PRDM9: variants seen among roughly 807,000 people sequenced by gnomAD.
The protein encoded by PRDM9 is PR/SET domain 9, also known as histone-lysine N-methyltransferase PRDM9.
Under a neutral mutation model 55.6 loss-of-function variants are expected in PRDM9, and 47 were observed. The observed-to-expected ratio is 0.85, with a 90% confidence interval of 0.67 to 1.08. The LOEUF is 1.08. Among genes scored for constraint, PRDM9 ranks in the 50% least tolerant of loss-of-function variants. PRDM9 has a pLI of 0.00. For missense variants in PRDM9, 867 were observed against 1,040.3 expected, an observed-to-expected ratio of 0.83 and a Z score of 2.29; for synonymous variants, 312 against 375.7, an observed-to-expected ratio of 0.83 and a Z score of 1.96.
intron 5 of PRDM9, among the ~76,000 whole-genome samples, chr5:23,519,115 A>G (rs895304224): frequency 2.6e-5 from 4 of 152,162 alleles, no homozygotes; most frequent in African/African-American, 4.8e-5. Context: ...GCTGGAGTGC[A>G]ATGACTCAAT....
intron 9 of PRDM9, 57 bp from the exon 10 acceptor site, chr5:23,524,277 A>G: frequency 1.3e-6 from 2 of 1,583,360 alleles, no homozygotes; most frequent in Non-Finnish European, 1.7e-6. Flanking sequence ...CCATACCTGG[A>G]TCTGATACTG....
In PRDM9 at chr5:23,509,735, T is replaced by C. The variant is rs1739052932; in HGVS notation, c.193+142T>C. On this transcript the variant is annotated intron_variant, in intron 3 of 10. Transcript: ENST00000296682. ...ACAAATCTGGAGGGAAATTTTGTTC[T>C]TTTGCGTCAGTGCAGGGCTGAGTGT... 5 of 1,523,998 alleles carry C rather than the reference T, an allele frequency of 3.3e-6. No homozygotes were observed. In the South Asian group the frequency reaches 3.4e-5, roughly 10 times the overall value. 94.4% of individuals were successfully genotyped at this position (1,523,998 alleles called of 1,614,324 possible). A position where few individuals can be genotyped will look rare whatever the true frequency, so the allele number is the denominator to read the frequency against.
At position 23,509,927 on chromosome 5, in the gene PRDM9, A is replaced by G; in HGVS notation, c.201A>G (p.Arg67=). Residue 67 remains arginine (R), a synonymous_variant, in exon 4 of 11, where the codon AGA becomes AGG. Coordinates refer to ENST00000296682, the MANE Select transcript of PRDM9 (RefSeq NM_020227.4). Reference sequence around the variant, plus strand: ...ATTTTTGCTTCTTTTCAGGTCTCAGAGCCACTCGACCAGCTTTCATGTGTC... The same window carrying G: ...ATTTTTGCTTCTTTTCAGGTCTCAGGGCCACTCGACCAGCTTTCATGTGTC... ...NYNALITIGL[R]ATRPAFMCHR... The G allele has an allele frequency of 6.2e-7, 1 of 1,614,070 alleles. No individual in the cohort carries two copies. The highest frequency in any genetic ancestry group is 8.5e-7 in the Non-Finnish European group (1 of 1,180,008).
chr5:23,515,380 C>T (rs1177230461), intron 4 of PRDM9, among the ~76,000 whole-genome samples: 1 of 152,174 alleles, frequency 6.6e-6, no homozygotes, highest in East Asian at 1.9e-4. Flanking sequence ...AATAGCTGAA[C>T]TATAGTCATG....
chr5:23,527,302 C>G lies in PRDM9; in HGVS notation c.2214C>G (p.His738Gln), dbSNP rs774906598. 2 of 1,540,726 alleles carry G rather than the reference C, an allele frequency of 1.3e-6. No homozygotes were observed. Among genetic ancestry groups the G allele is most frequent in the South Asian group, 2.3e-5 (2 of 87,026 alleles). The change falls in exon 11 of 11, where the codon CAC becomes CAG. Residue 738 changes from histidine (H) to glutamine (Q), a missense_variant. His to Gln is a conservative substitution (Grantham distance 24). Around this residue, in one of 5 missense-constraint regions of PRDM9, gnomAD observed 92 missense variants for 185.7 expected, o/e 0.50. Transcript: ENST00000296682. ...GFSNKSHLLR[H>Q]QRTHTGEKPY... ...GCAATAAGTCACACCTCCTCAGACA[C>G]CAGAGGACACACACAGGGGAGAAGC...
At position 23,527,942 on chromosome 5, in the gene PRDM9, T is replaced by C; in HGVS notation, c.*169T>C. On this transcript the variant is annotated 3_prime_UTR_variant, in exon 11 of 11. Coordinates refer to ENST00000296682, the MANE Select transcript of PRDM9 (RefSeq NM_020227.4). ...AACTGATTAAACAAATCCGCCACTT[T>C]CATGACTAGAGATGAGGAAGAACAA... 2.3e-6 allele frequency: 2 copies of C among 885,908 alleles called. No homozygotes were observed. The highest frequency in any genetic ancestry group is 3.5e-6 in the Non-Finnish European group (2 of 565,738). 54.9% of individuals were successfully genotyped at this position (885,908 alleles called of 1,614,324 possible). A position where few individuals can be genotyped will look rare whatever the true frequency, so the allele number is the denominator to read the frequency against.
In PRDM9 at chr5:23,509,920, G is replaced by T. The variant is rs1739055919; in HGVS notation, c.194G>T (p.Gly65Val). The T allele has an allele frequency of 3.1e-6, 5 of 1,613,834 alleles. No individual in the cohort carries two copies. Among genetic ancestry groups the T allele is most frequent in the Non-Finnish European group, 4.2e-6 (5 of 1,180,012 alleles). ...GAACAAAATTTTTGCTTCTTTTCAGGTCTCAGAGCCACTCGACCAGCTTTC... is the reference window on the plus strand; with the variant it reads ...GAACAAAATTTTTGCTTCTTTTCAGTTCTCAGAGCCACTCGACCAGCTTTC... ...KRNYNALITI[G>V]LRATRPAFMC... The change falls in exon 4 of 11, where the codon GGT becomes GTT. Residue 65 changes from glycine to valine, a missense_variant and splice_region_variant. Physicochemically the swap from Gly to Val is moderately radical, Grantham distance 109. Around this residue, in one of 5 missense-constraint regions of PRDM9, gnomAD observed 662 missense variants for 711.9 expected, o/e 0.93. Coordinates refer to ENST00000296682, the MANE Select transcript of PRDM9 (RefSeq NM_020227.4).
chr5:23,511,130 T>A (rs1324485219), intron 4 of PRDM9, among the ~76,000 whole-genome samples: 2 of 151,762 alleles, frequency 1.3e-5, no homozygotes, highest in African/African-American at 4.8e-5. Context: ...CCCTCCAGCC[T>A]GGGCAACAGA....
chr5:23,519,065 G>A (rs1739275884), intron 5 of PRDM9, among the ~76,000 whole-genome samples: 1 of 152,124 alleles, frequency 6.6e-6, no homozygotes, highest in African/African-American at 2.4e-5. Flanking sequence ...TCTGGGTGGT[G>A]GTGGGGTGAT....
Position 23,508,840 on chromosome 5 carries a change from G to A in PRDM9, c.-84-110G>A, listed in dbSNP as rs1739032805. Reference sequence around the variant, plus strand: ...CCCTGGGGTGCTCGAGACCTCACCAGGAATCCACATCTTCCTGCTCTGAAC... The same window carrying A: ...CCCTGGGGTGCTCGAGACCTCACCAAGAATCCACATCTTCCTGCTCTGAAC... On this transcript the variant is annotated intron_variant, in intron 1 of 10. Coordinates refer to ENST00000296682, the MANE Select transcript of PRDM9 (RefSeq NM_020227.4). The A allele has an allele frequency of 1.7e-5, 11 of 648,574 alleles. No homozygotes were observed. The South Asian group carries it at 2.1e-4, about 12-fold the overall frequency. 40.2% of individuals were successfully genotyped at this position (648,574 alleles called of 1,614,324 possible). A position where few individuals can be genotyped will look rare whatever the true frequency, so the allele number is the denominator to read the frequency against.
chr5:23,511,493 G>C (rs1056497230), intron 4 of PRDM9, among the ~76,000 whole-genome samples: 1 of 152,066 alleles, frequency 6.6e-6, no homozygotes, highest in Non-Finnish European at 1.5e-5. Context: ...CTACAGGCAT[G>C]TGCCACCACG....
At position 23,524,466 on chromosome 5, in the gene PRDM9, C is replaced by T. The variant is rs777790549; in HGVS notation, c.1083C>T (p.Tyr361=). Reference sequence around the variant, plus strand: ...TGCTGGTCTGGTATGGGGATGAATACGGCCAGGAACTGGGCATCAAGTGGG... The same window carrying T: ...TGCTGGTCTGGTATGGGGATGAATATGGCCAGGAACTGGGCATCAAGTGGG... ...CELLVWYGDE[Y]GQELGIKWGS... Residue 361 remains tyrosine, a synonymous_variant, in exon 10 of 11, where the codon TAC becomes TAT. Coordinates refer to ENST00000296682, the MANE Select transcript of PRDM9 (RefSeq NM_020227.4). The T allele has an allele frequency of 4.3e-6, 7 of 1,613,580 alleles. No individual in the cohort carries two copies. The highest frequency in any genetic ancestry group is 2.2e-5 in the South Asian group (2 of 91,054).
At chr5:23,513,782 A>T (rs1382622285) in intron 4 of PRDM9, among the ~76,000 whole-genome samples, 1 of 152,048 alleles carries the variant, frequency 6.6e-6, no homozygotes, top group Non-Finnish European at 1.5e-5. Flanking sequence ...GGTAGGCTGA[A>T]GTAGAAGAAT....
At chr5:23,524,795 A>G (rs1240990637) in intron 10 of PRDM9, among the ~76,000 whole-genome samples, 1 of 152,240 alleles carries the variant, frequency 6.6e-6, no homozygotes, top group Non-Finnish European at 1.5e-5. Flanking sequence ...ACTTAAAGAC[A>G]AAAATCAAGT....
In PRDM9 at chr5:23,524,230, C is replaced by T. The variant is rs1739387836; in HGVS notation, c.951-104C>T. 2.1e-6 allele frequency: 3 copies of T among 1,430,936 alleles called. No individual in the cohort carries two copies. The South Asian group carries it at 3.5e-5, about 17-fold the overall frequency. The allele number at this position is 1,430,936 out of a possible 1,614,324, so 88.6% of individuals were successfully genotyped here. A position where few individuals can be genotyped will look rare whatever the true frequency, so the allele number is the denominator to read the frequency against. On this transcript the variant is annotated intron_variant, in intron 9 of 10. Coordinates refer to ENST00000296682, the MANE Select transcript of PRDM9 (RefSeq NM_020227.4). Reference sequence around the variant, plus strand: ...GGAGGAGTGGTGGGGGAGTGGTCAGCACTAGACCATGGAGGCCTAGACCAG... The same window carrying T: ...GGAGGAGTGGTGGGGGAGTGGTCAGTACTAGACCATGGAGGCCTAGACCAG...
In PRDM9 at chr5:23,524,388, C is replaced by T. The variant is rs1739390697; in HGVS notation, c.1005C>T (p.Tyr335=). 2 of 1,613,880 alleles carry T rather than the reference C, an allele frequency of 1.2e-6. No homozygotes were observed. The highest frequency in any genetic ancestry group is 2.2e-5 in the East Asian group (1 of 44,866). Residue 335 remains tyrosine, a synonymous_variant, in exon 10 of 11, where the codon TAC becomes TAT. Coordinates refer to ENST00000296682, the MANE Select transcript of PRDM9 (RefSeq NM_020227.4). ...AGCAGAACCTGGTGGCCTTCCAGTACCACAGGCAGATCTTCTATAGAACCT... is the reference window on the plus strand; with the variant it reads ...AGCAGAACCTGGTGGCCTTCCAGTATCACAGGCAGATCTTCTATAGAACCT... The part of the protein sequence containing the change: ...DEEQNLVAFQ[Y]HRQIFYRTCR...
At position 23,526,464 on chromosome 5, in the gene PRDM9, G is replaced by A. The variant is rs1327487744; in HGVS notation, c.1376G>A (p.Arg459Lys). ...DKTKGQEIKERSKLLNKRTWQ... is the reference protein window; with the variant it reads ...DKTKGQEIKEKSKLLNKRTWQ... ...ACCAAAGGTCAAGAGATCAAAGAAA[G>A]GTCCAAACTCTTGAATAAAAGGACA... The change falls in exon 11 of 11, where the codon AGG (arginine) becomes AAG (lysine). Residue 459 changes from arginine (R) to lysine (K), a missense_variant. Transcript: ENST00000296682. The A allele has an allele frequency of 6.2e-7, 1 of 1,614,100 alleles. No homozygotes were observed. Among genetic ancestry groups the A allele is most frequent in the Non-Finnish European group, 8.5e-7 (1 of 1,180,002 alleles).
At chr5:23,507,506 A>G (rs1181220673), upstream of PRDM9, 1 of 152,204 alleles carries the variant, frequency 6.6e-6, no homozygotes, top group Non-Finnish European at 1.5e-5. Context: ...CCGCCCATTT[A>G]GCGCCTCCTG....
Position 23,522,416 on chromosome 5 carries a change from CT to C in PRDM9, c.610+15del, listed in dbSNP as rs1561020605. ...ATGATGATTACCTCTGTAAGTGACA[CT>C]TTTGGCCACTCACACAGCTTGCTGT... On this transcript the variant is annotated intron_variant, in intron 7 of 10. Transcript: ENST00000296682. 1.9e-6 allele frequency: 3 copies of C among 1,607,500 alleles called. No homozygotes were observed. The Admixed American group carries it at 5.0e-5, about 27-fold the overall frequency.
Sources: gnomAD v4.1 joint callset for allele counts (sites outside exome capture counted in the v4.1 genomes callset) on GRCh38, gnomAD v4.1.1 for gene constraint, gnomAD v4.1.1 regional missense constraint, MANE v1.5 for transcripts, NCBI Gene and HGNC (gene_info 2026-07-23, HGNC 2026-07-21) for gene names.